Variants in SOX5 observed in about 807,000 individuals in gnomAD.
SOX5 encodes the protein transcription factor SOX-5.
A neutral mutation model predicts 92.0 loss-of-function variants in SOX5; 9 were observed. The observed-to-expected ratio is 0.10, with a 90% CI of 0.06 to 0.17. The LOEUF (loss-of-function observed/expected upper bound fraction) is 0.17. Ranked by LOEUF, SOX5 falls within the 10% of genes least tolerant of loss-of-function variation. SOX5 has a pLI of 1.00. For synonymous variants in SOX5, 344 were observed against 336.3 expected (o/e 1.02, Z -0.25); for missense variants, 642 against 944.5 (o/e 0.68, Z 4.20).
intron 1 of SOX5, among the ~76,000 whole-genome samples, chr12:24,370,685 G>A (rs1010606812): frequency 1.4e-4 from 22 of 151,974 alleles, no homozygotes; most frequent in African/African-American, 5.1e-4. Context: ...CCAGCTACTC[G>A]GGAGGCTGAG....
intron 2 of SOX5, among the ~76,000 whole-genome samples, chr12:24,349,421 T>C (rs1705228418): frequency 6.6e-6 from 1 of 152,140 alleles, no homozygotes; most frequent in Non-Finnish European, 1.5e-5. Context: ...CCTTTGACAA[T>C]AAGTCAATTT....
chr12:23,870,722 G>C (rs537930893), intron 2 of SOX5, among the ~76,000 whole-genome samples: 68 of 151,976 alleles, frequency 4.5e-4, no homozygotes, highest in Non-Finnish European at 8.7e-4. Flanking sequence ...ACAAATCTTG[G>C]TGCTAAATTG....
At chr12:24,341,416 C>T (rs1287658449) in intron 2 of SOX5, among the ~76,000 whole-genome samples, 4 of 152,106 alleles carry the variant, frequency 2.6e-5, no homozygotes, top group African/African-American at 9.7e-5. Context: ...AGGTGGAGGC[C>T]GCAGTGAGCT....
At chr12:24,257,744 G>A (rs1323548192) in intron 3 of SOX5, among the ~76,000 whole-genome samples, 1 of 151,942 alleles carries the variant, frequency 6.6e-6, no homozygotes, top group African/African-American at 2.4e-5. Flanking sequence ...TGGGATTACT[G>A]GGATGAGCCA....
At chr12:23,923,458 G>A (rs1392969670) in intron 1 of SOX5, among the ~76,000 whole-genome samples, 1 of 152,084 alleles carries the variant, frequency 6.6e-6, no homozygotes, top group African/African-American at 2.4e-5. Context: ...ACAGTTAGAA[G>A]GTGAAATTAA....
intron 4 of SOX5, among the ~76,000 whole-genome samples, chr12:24,093,105 G>A (rs1233651806): frequency 6.6e-6 from 1 of 152,170 alleles, no homozygotes; most frequent in Non-Finnish European, 1.5e-5. Flanking sequence ...AAGTTTCGGA[G>A]TGGTCTATTA....
chr12:24,194,795 G>A (rs984193347), intron 4 of SOX5, among the ~76,000 whole-genome samples: 15 of 151,864 alleles, frequency 9.9e-5, no homozygotes, highest in African/African-American at 3.1e-4. Context: ...CATTTAATAT[G>A]TCAAAAAAAG....
At chr12:23,802,408 C>T (rs1295485231) in intron 3 of SOX5, among the ~76,000 whole-genome samples, 4 of 152,042 alleles carry the variant, frequency 2.6e-5, no homozygotes, top group African/African-American at 9.7e-5. Flanking sequence ...CACATGAGAC[C>T]CAACTCAAAG....
intron 4 of SOX5, among the ~76,000 whole-genome samples, chr12:24,080,053 C>CA (rs1177149783): frequency 2.6e-5 from 4 of 151,840 alleles, no homozygotes; most frequent in Non-Finnish European, 5.9e-5. Context: ...AACTTTGGAA[C>CA]AATTATATAT....
intron 2 of SOX5, among the ~76,000 whole-genome samples, chr12:24,299,519 T>G (rs1947712475): frequency 6.6e-6 from 1 of 152,130 alleles, no homozygotes; most frequent in Admixed American, 6.5e-5. Flanking sequence ...GGGATTCACA[T>G]TTTATAACTT....
intron 4 of SOX5, among the ~76,000 whole-genome samples, chr12:23,980,477 G>C (rs189941502): frequency 1.6e-4 from 25 of 152,198 alleles, no homozygotes; most frequent in Admixed American, 9.2e-4. Flanking sequence ...TGTATGTCCT[G>C]TTCATGAAAT....
In SOX5 at chr12:24,154,457, T is replaced by C. The variant is rs192777141; in HGVS notation, c.-2+58886A>G. 4.6e-5 allele frequency among the ~76,000 whole-genome samples: 7 copies of C among 152,228 alleles called. No homozygotes were observed. In the East Asian group the frequency reaches 1.3e-3, roughly 29 times the overall value. ...GAAGAGTGTTACTGCACCTTCCTCA[T>C]TGCTATATGGAAAGGTTCAATCACT... On this transcript the variant is annotated intron_variant, in intron 4 of 4. Coordinates refer to the SOX5 transcript ENST00000446891.
chr12:24,410,261 G>A (rs1963836150), intron 1 of SOX5, among the ~76,000 whole-genome samples: 1 of 152,178 alleles, frequency 6.6e-6, no homozygotes, highest in Non-Finnish European at 1.5e-5. Flanking sequence ...GCCTCCCAAA[G>A]TTCTGGGATT....
At chr12:23,998,139 C>G (rs1387836582) in intron 4 of SOX5, among the ~76,000 whole-genome samples, 1 of 152,060 alleles carries the variant, frequency 6.6e-6, no homozygotes, top group African/African-American at 2.4e-5. Context: ...CTAACAAAAA[C>G]TTCAAAATAG....
intron 3 of SOX5, among the ~76,000 whole-genome samples, chr12:23,805,849 T>G (rs2142279076): frequency 6.6e-6 from 1 of 152,324 alleles, no homozygotes; most frequent in South Asian, 2.1e-4. Context: ...CTTTAATATT[T>G]GACTGAATAA....
intron 3 of SOX5, among the ~76,000 whole-genome samples, chr12:24,268,263 ACAAT>A (rs1371229642): frequency 6.6e-6 from 1 of 152,218 alleles, no homozygotes; most frequent in Non-Finnish European, 1.5e-5. Flanking sequence ...GAGCACGAAG[ACAAT>A]CAAGTATAAT....
chr12:24,307,053 C>T lies in SOX5; in HGVS notation c.-173-29741G>A, dbSNP rs1948647381. Among the ~76,000 whole-genome samples, 3 of 152,178 alleles carry T rather than the reference C, an allele frequency of 2.0e-5. No individual in the cohort carries two copies. In the South Asian group the frequency reaches 6.2e-4, roughly 32 times the overall value. ...CTCAAGACCAACCAGGGCAACATGG[C>T]AAAACCCCATCTCTACAAAAATTAC... On this transcript the variant is annotated intron_variant, in intron 2 of 4. Transcript: ENST00000446891.
rs139287497 is a variant in SOX5 at position 24,087,316 on chromosome 12, G to A, written c.-2+126027C>T. ...ACACATTGACAAATTTTCAAATAGAGATGTAATATTTCATTTGTGACATCC... is the reference window on the plus strand; with the variant it reads ...ACACATTGACAAATTTTCAAATAGAAATGTAATATTTCATTTGTGACATCC... On this transcript the variant is annotated intron_variant, in intron 4 of 4. Transcript: ENST00000446891. Among the ~76,000 whole-genome samples the A allele has an allele frequency of 1.8e-3, 269 of 152,084 alleles. 3 individuals are homozygous for A. The highest frequency in any genetic ancestry group is 6.1e-3 in the African/African-American group (254 of 41,522).
chr12:24,113,255 T>TAA (rs10717747), intron 4 of SOX5, among the ~76,000 whole-genome samples: 5,161 of 118,096 alleles, frequency 0.044, 132 homozygotes, highest in Admixed American at 0.064. Context: ...TGTAGAATCA[T>TAA]AAAAAAAAAA....
Sources: allele counts gnomAD v4.1 joint callset (sites outside exome capture counted in the v4.1 genomes callset), GRCh38; gene constraint gnomAD v4.1.1; transcripts MANE v1.5; gene names NCBI Gene and HGNC (gene_info 2026-07-23, HGNC 2026-07-21).